ACTR3C: variants seen among roughly 807,000 people sequenced by gnomAD.
The protein encoded by ACTR3C is actin-related protein 3C.
ACTR3C carries 18 observed loss-of-function variants against 26.3 expected under a neutral mutation model. The observed-to-expected ratio is 0.68, with a 90% CI of 0.47 to 1.01. The LOEUF is 1.01. Ranked by LOEUF, ACTR3C falls within the 50% of genes least tolerant of loss-of-function variation. The probability of loss-of-function intolerance (pLI) is 0.00; values close to 1 mark genes in which losing one functional copy is unlikely to be tolerated. For missense variants in ACTR3C, 184 were observed against 250.7 expected (o/e 0.73, Z 1.80); for synonymous variants, 55 against 94.5 (o/e 0.58, Z 2.42).
At chr7:149,903,267 C>A in the ACTR3C span, among the ~76,000 whole-genome samples, 1 of 147,824 alleles carries the variant, frequency 6.8e-6, no homozygotes, top group Non-Finnish European at 1.5e-5. Flanking sequence ...AGAAAAGAAA[C>A]ACGAAGTGTT....
At chr7:150,115,108 C>T in the ACTR3C span, among the ~76,000 whole-genome samples, 1 of 152,102 alleles carries the variant, frequency 6.6e-6, no homozygotes, top group African/African-American at 2.4e-5. Flanking sequence ...TCCTTTTTCT[C>T]TCTGTTATTC....
the ACTR3C span, among the ~76,000 whole-genome samples, chr7:150,143,239 G>A: frequency 4.9e-4 from 74 of 150,532 alleles, no homozygotes; most frequent in African/African-American, 1.1e-3. Context: ...CTCCTGAAAC[G>A]CATTTTGTTT....
the ACTR3C span, among the ~76,000 whole-genome samples, chr7:149,912,917 T>C: frequency 2.0e-5 from 3 of 152,158 alleles, no homozygotes; most frequent in Non-Finnish European, 4.4e-5. Flanking sequence ...TATTCTAATA[T>C]AATATCTTTC....
At chr7:150,064,399 C>G in the ACTR3C span, among the ~76,000 whole-genome samples, 2 of 142,436 alleles carry the variant, frequency 1.4e-5, no homozygotes, top group Non-Finnish European at 3.0e-5. Context: ...CCCAACCCCC[C>G]GCTAAAAATA....
the ACTR3C span, among the ~76,000 whole-genome samples, chr7:150,165,995 T>G: frequency 6.6e-6 from 1 of 151,756 alleles, no homozygotes; most frequent in Non-Finnish European, 1.5e-5. Flanking sequence ...GTTGAAACTG[T>G]GAAAACTGAA....
chr7:149,989,655 C>T, the ACTR3C span, among the ~76,000 whole-genome samples: 3 of 152,168 alleles, frequency 2.0e-5, no homozygotes, highest in African/African-American at 7.2e-5. Flanking sequence ...GTGCATACAC[C>T]ACACGTTTCT....
chr7:149,993,578 A>G, the ACTR3C span, among the ~76,000 whole-genome samples: 2 of 152,032 alleles, frequency 1.3e-5, no homozygotes, highest in Non-Finnish European at 2.9e-5. Context: ...GGACAGAAGG[A>G]AGAGGCTTGC....
intron 5 of ACTR3C, 58 bp from the exon 6 acceptor site, chr7:150,284,903 T>G: frequency 6.7e-7 from 1 of 1,491,926 alleles, no homozygotes; most frequent in Non-Finnish European, 9.1e-7. Context: ...TAGAACAACA[T>G]GAACACTCCT....
chr7:150,286,341 A>G (rs1390582058), intron 5 of ACTR3C, 26 bp downstream of exon 5: 1 of 1,611,210 alleles, frequency 6.2e-7, no homozygotes, highest in Non-Finnish European at 8.5e-7. Context: ...CCCACACTTG[A>G]GCACACAAAA....
At chr7:150,142,830 TTTTTTG>T in the ACTR3C span, among the ~76,000 whole-genome samples, 5 of 144,986 alleles carry the variant, frequency 3.4e-5, no homozygotes, top group Non-Finnish European at 6.0e-5. Flanking sequence ...CGCCTGGCTT[TTTTTTG>T]TTTTTGTTTT....
the ACTR3C span, among the ~76,000 whole-genome samples, chr7:150,172,424 T>C: frequency 1.8e-4 from 27 of 150,722 alleles, no homozygotes; most frequent in Admixed American, 7.9e-4. Flanking sequence ...ACTTATTCAC[T>C]ATTACGAGAA....
At chr7:150,139,756 C>T in the ACTR3C span, among the ~76,000 whole-genome samples, 4 of 152,182 alleles carry the variant, frequency 2.6e-5, no homozygotes, top group African/African-American at 7.2e-5. Flanking sequence ...CATCCTCCCC[C>T]ACACATGGGT....
At chr7:150,323,394 A>G (rs1025922996) in intron 1 of ACTR3C, 75 bp downstream of exon 1, 3 of 298,324 alleles carry the variant, frequency 1.0e-5, no homozygotes, top group Non-Finnish European at 1.9e-5. Flanking sequence ...ACGCTGGCCA[A>G]CAAGTTGGGT....
chr7:150,232,509 A>T, the ACTR3C span, among the ~76,000 whole-genome samples: 1 of 149,516 alleles, frequency 6.7e-6, no homozygotes, highest in South Asian at 2.1e-4. Context: ...CTTTTTTAGC[A>T]TATTAATTAT....
At chr7:149,900,643 TGCGTTTTCTAA>T in the ACTR3C span, among the ~76,000 whole-genome samples, 6 of 152,196 alleles carry the variant, frequency 3.9e-5, no homozygotes, top group Non-Finnish European at 8.8e-5. Flanking sequence ...CTTTTCCTCT[TGCGTTTTCTAA>T]ATTATGTCTG....
At chr7:150,042,353 G>C in the ACTR3C span, among the ~76,000 whole-genome samples, 23 of 85,698 alleles carry the variant, frequency 2.7e-4, no homozygotes, top group South Asian at 3.9e-4. Context: ...GGGTGCCTCC[G>C]CCCCCAGCGA....
chr7:150,179,828 A>G, the ACTR3C span, among the ~76,000 whole-genome samples: 1 of 151,646 alleles, frequency 6.6e-6, no homozygotes, highest in Non-Finnish European at 1.5e-5. Flanking sequence ...ATGTATAATT[A>G]TTAAAGAAAA....
At chr7:150,215,107 G>A in the ACTR3C span, among the ~76,000 whole-genome samples, 6,663 of 148,876 alleles carry the variant, frequency 0.045, 495 homozygotes, top group African/African-American at 0.16. Flanking sequence ...AGACATACAA[G>A]CTTTGCTATC....
the ACTR3C span, among the ~76,000 whole-genome samples, chr7:149,954,504 A>G: frequency 2.0e-5 from 3 of 152,142 alleles, no homozygotes; most frequent in Non-Finnish European, 4.4e-5. Flanking sequence ...ATTTGTGTTC[A>G]CTGTATATCT....
Sources: gnomAD v4.1 joint callset for allele counts (sites outside exome capture counted in the v4.1 genomes callset) on GRCh38, gnomAD v4.1.1 for gene constraint, MANE v1.5 for transcripts, NCBI Gene and HGNC (gene_info 2026-07-23, HGNC 2026-07-21) for gene names.